PKHD1: variants seen among roughly 807,000 people sequenced by gnomAD.
PKHD1 encodes fibrocystin.
PKHD1 carries 291 observed loss-of-function variants against 412.0 expected under a neutral mutation model. The ratio of observed to expected loss-of-function variants is 0.71; its 90% confidence interval spans 0.64 to 0.78. The LOEUF is 0.78. Among genes scored for constraint, PKHD1 ranks in the 30% least tolerant of loss-of-function variants. PKHD1 has a pLI of 0.00. For missense variants in PKHD1, 4,825 were observed against 4,950.7 expected (o/e 0.97, Z 0.76); for synonymous variants, 1,777 against 1,821.5 (o/e 0.98, Z 0.62).
At chr6:51,952,475 C>G (rs1790502133) in intron 36 of PKHD1, among the ~76,000 whole-genome samples, 1 of 152,098 alleles carries the variant, frequency 6.6e-6, no homozygotes, top group African/African-American at 2.4e-5. Context: ...CAAAGGTGAG[C>G]AAAAACAGAG....
rs545700642 is a variant in PKHD1, at chr6:51,810,666, G to A, written c.8303-19293C>T. 7.9e-5 allele frequency among the ~76,000 whole-genome samples: 12 copies of A among 152,188 alleles called. No homozygotes were observed. In the South Asian group the frequency reaches 2.5e-3, roughly 32 times the overall value. ...CTAAAATATGTGACACTTCCCCATGGCCCTGATGTGCCCTGGAACCTTGGA... is the reference window on the plus strand; with the variant it reads ...CTAAAATATGTGACACTTCCCCATGACCCTGATGTGCCCTGGAACCTTGGA... On this transcript the variant is annotated intron_variant, in intron 52 of 66. Transcript: ENST00000371117.
chr6:51,870,353 G>T, intron 47 of PKHD1, 151 bp downstream of exon 47: 1 of 728,466 alleles, frequency 1.4e-6, no homozygotes, highest in Non-Finnish European at 2.4e-6. Flanking sequence ...GAACCTCCAG[G>T]ATGTCTTTTA....
At chr6:51,716,056 A>T (rs1015457114) in intron 60 of PKHD1, among the ~76,000 whole-genome samples, 1 of 152,216 alleles carries the variant, frequency 6.6e-6, no homozygotes, top group African/African-American at 2.4e-5. Flanking sequence ...TTTTAAAAAA[A>T]TTTAAAAAGT....
chr6:51,627,227 C>T (rs1325074832), intron 65 of PKHD1, 111 bp from the exon 66 acceptor site: 1 of 937,972 alleles, frequency 1.1e-6, no homozygotes, highest in South Asian at 1.3e-5. Context: ...CATACACATG[C>T]AACAGAAAGC....
chr6:51,870,539 G>A lies in PKHD1; in HGVS notation c.7451C>T (p.Ala2484Val), dbSNP rs1406480003. ...FVNFDLINCV[A>V]IRTCSDCSQG... ...GGAACAGTCTGAACAGGTTCTAATG[G>A]CCACACAGTTGATGAGATCAAAATT... Residue 2484 changes from alanine to valine, a missense_variant, in exon 47 of 67, where the codon GCC (alanine) becomes GTC (valine). Coordinates refer to ENST00000371117, the MANE Select transcript of PKHD1 (RefSeq NM_138694.4). 3 of 1,611,886 alleles carry A rather than the reference G, an allele frequency of 1.9e-6. 1 individual carries two copies. In the South Asian group the frequency reaches 3.3e-5, roughly 18 times the overall value.
intron 52 of PKHD1, among the ~76,000 whole-genome samples, chr6:51,807,485 A>ATGTGTGTGTGTGTGTG (rs567506746): frequency 7.2e-5 from 8 of 111,766 alleles, no homozygotes; most frequent in African/African-American, 2.7e-4. Context: ...ATATATGTAT[A>ATGTGTGTGTGTGTGTG]TGTGTGTGTG....
chr6:51,909,892 C>A (rs1039766375), intron 39 of PKHD1, among the ~76,000 whole-genome samples: 2 of 152,118 alleles, frequency 1.3e-5, no homozygotes, highest in Non-Finnish European at 2.9e-5. Context: ...TAATCTTAAG[C>A]TGTCCAATGA....
intron 43 of PKHD1, among the ~76,000 whole-genome samples, chr6:51,902,025 T>A (rs1781382104): frequency 6.6e-6 from 1 of 152,192 alleles, no homozygotes; most frequent in Non-Finnish European, 1.5e-5. Context: ...ACCCTTCTTC[T>A]TGTCAGCCAG....
At position 51,669,851 on chromosome 6, in the gene PKHD1, G is replaced by T. The variant is rs1011003867; in HGVS notation, c.10157-9882C>A. On this transcript the variant is annotated intron_variant, in intron 60 of 66. Coordinates refer to ENST00000371117, the MANE Select transcript of PKHD1 (RefSeq NM_138694.4). ...GGTTGTTCAGTTTCCATGTAGTTGAGCGGTTTTGAGTGAGATTCTTAATCC... is the reference window on the plus strand; with the variant it reads ...GGTTGTTCAGTTTCCATGTAGTTGATCGGTTTTGAGTGAGATTCTTAATCC... Among the ~76,000 whole-genome samples the T allele has an allele frequency of 2.5e-5, 3 of 120,104 alleles. No individual in the cohort carries two copies. The Admixed American group carries it at 2.7e-4, about 11-fold the overall frequency. The allele number at this position is 120,104 out of a possible 152,430, so 78.8% of individuals were successfully genotyped here.
At position 52,062,809 on chromosome 6, in the gene PKHD1, A is replaced by C; in HGVS notation, c.977-149T>G. The stretch of plus-strand genomic sequence containing the variant: ...GAGCCAGATAGAGTAGTTATATGAA[A>C]GGTTCTGTAGTTAATATGAAATACA... On this transcript the variant is annotated intron_variant, in intron 13 of 66. Transcript: ENST00000371117. 7 of 893,114 alleles carry C rather than the reference A, an allele frequency of 7.8e-6. No homozygotes were observed. In the South Asian group the frequency reaches 1.0e-4, roughly 13 times the overall value. 55.3% of individuals were successfully genotyped at this position (893,114 alleles called of 1,614,324 possible). A position where few individuals can be genotyped will look rare whatever the true frequency, so the allele number is the denominator to read the frequency against.
At chr6:51,986,209 G>A (rs1313167332) in intron 35 of PKHD1, among the ~76,000 whole-genome samples, 1 of 152,134 alleles carries the variant, frequency 6.6e-6, no homozygotes. Context: ...TCGTGGAGAG[G>A]GACATAGCTG....
At chr6:51,818,055 T>G (rs1765766369) in intron 52 of PKHD1, among the ~76,000 whole-genome samples, 1 of 152,174 alleles carries the variant, frequency 6.6e-6, no homozygotes, top group South Asian at 2.1e-4. Flanking sequence ...TACGTTATCA[T>G]GTAAATAAAG....
intron 34 of PKHD1, among the ~76,000 whole-genome samples, chr6:52,013,705 T>C (rs1463468093): frequency 1.3e-5 from 2 of 152,044 alleles, no homozygotes; most frequent in Admixed American, 1.3e-4. Context: ...GGGGATATGG[T>C]TTAAAATATT....
chr6:52,062,510 A>C lies in PKHD1; in HGVS notation c.1118+9T>G, dbSNP rs1179399370. The C allele has an allele frequency of 6.2e-7, 1 of 1,613,908 alleles. No individual in the cohort carries two copies. The highest frequency in any genetic ancestry group is 2.2e-5 in the East Asian group (1 of 44,868). On this transcript the variant is annotated intron_variant, in intron 14 of 66. Coordinates refer to ENST00000371117, the MANE Select transcript of PKHD1 (RefSeq NM_138694.4). ...TTTGATGTGGGCTCCCACTTTTCCT[A>C]CAACATACCTGAAAGGTTGTCCTTC... is the stretch of plus-strand genomic sequence containing the variant.
In PKHD1 at chr6:51,882,056, A is replaced by C. The variant is rs1293104636; in HGVS notation, c.7350+1037T>G. ...ATTTAACATCAATTAAGATACTGCA[A>C]CATTAATTTACCAAGACAGTTACTC... On this transcript the variant is annotated intron_variant, in intron 46 of 66. Coordinates refer to ENST00000371117, the MANE Select transcript of PKHD1 (RefSeq NM_138694.4). Among the ~76,000 whole-genome samples the C allele has an allele frequency of 3.3e-5, 5 of 152,332 alleles. No individual in the cohort carries two copies. In the East Asian group the frequency reaches 7.7e-4, roughly 24 times the overall value.
At chr6:51,743,849 T>C (rs918462613) in intron 60 of PKHD1, among the ~76,000 whole-genome samples, 3 of 152,076 alleles carry the variant, frequency 2.0e-5, no homozygotes, top group South Asian at 2.1e-4. Flanking sequence ...GCCATAAAAA[T>C]TGACATAAAA....
intron 37 of PKHD1, among the ~76,000 whole-genome samples, chr6:51,924,363 A>C (rs892463551): frequency 1.4e-4 from 21 of 152,310 alleles, no homozygotes; most frequent in African/African-American, 4.6e-4. Context: ...AGGGTGGCCA[A>C]GGGGGAGAGT....
chr6:51,916,840 T>G (rs4143492), intron 37 of PKHD1, among the ~76,000 whole-genome samples: 57,901 of 151,900 alleles, frequency 0.38, 11,794 homozygotes, highest in East Asian at 0.75. Context: ...GCTTTTAACT[T>G]GTAATTTAAT....
intron 59 of PKHD1, 116 bp from the exon 60 acceptor site, chr6:51,744,658 A>T: frequency 2.6e-6 from 2 of 778,412 alleles, no homozygotes; most frequent in Non-Finnish European, 4.5e-6. Flanking sequence ...TATTATTGAC[A>T]ATGTGTTACA....
Sources: gnomAD v4.1 joint callset for allele counts (sites outside exome capture counted in the v4.1 genomes callset) on GRCh38, gnomAD v4.1.1 for gene constraint, MANE v1.5 for transcripts, NCBI Gene and HGNC (gene_info 2026-07-23, HGNC 2026-07-21) for gene names.